DLG2: variants seen among roughly 807,000 people sequenced by gnomAD.
DLG2 encodes discs large MAGUK scaffold protein 2.
DLG2 carries 45 observed loss-of-function variants against 132.5 expected under a neutral mutation model. The ratio of observed to expected loss-of-function variants is 0.34; its 90% CI spans 0.27 to 0.44. The LOEUF (loss-of-function observed/expected upper bound fraction) is 0.44. Ranked by LOEUF, DLG2 falls within the 20% of genes least tolerant of loss-of-function variation. DLG2 has a pLI of 1.00. For missense variants in DLG2, 1,045 were observed against 1,196.9 expected (o/e 0.87, Z 1.87); for synonymous variants, 424 against 419.6 (o/e 1.01, Z -0.13).
intron 6 of DLG2, among the ~76,000 whole-genome samples, chr11:84,663,269 G>T (rs938422806): frequency 2.3e-4 from 33 of 146,154 alleles, no homozygotes; most frequent in African/African-American, 7.3e-4. Flanking sequence ...CATATATTCT[G>T]CATGGTCTAG....
intron 18 of DLG2, among the ~76,000 whole-genome samples, chr11:83,735,890 C>G (rs1349288556): frequency 6.6e-6 from 1 of 152,178 alleles, no homozygotes; most frequent in Non-Finnish European, 1.5e-5. Context: ...AGCAATGGGA[C>G]TTGGAAAATT....
chr11:84,697,814 G>A (rs1317171880), intron 6 of DLG2, among the ~76,000 whole-genome samples: 1 of 151,316 alleles, frequency 6.6e-6, no homozygotes, highest in Non-Finnish European at 1.5e-5. Flanking sequence ...GTATTTTCAT[G>A]ATAATAAGTA....
intron 3 of DLG2, among the ~76,000 whole-genome samples, chr11:85,477,294 T>C (rs898781306): frequency 1.3e-5 from 2 of 152,218 alleles, no homozygotes; most frequent in South Asian, 2.1e-4. Context: ...ACACCTCGTA[T>C]GTATACAAAA....
intron 6 of DLG2, among the ~76,000 whole-genome samples, chr11:84,994,931 T>C (rs1473101656): frequency 6.6e-6 from 1 of 152,178 alleles, no homozygotes; most frequent in Non-Finnish European, 1.5e-5. Flanking sequence ...ATGTGTCCTC[T>C]GGAGTCTTGG....
intron 6 of DLG2, among the ~76,000 whole-genome samples, chr11:85,104,872 C>CAAA (rs56043190): frequency 1.4e-4 from 8 of 56,044 alleles, no homozygotes; most frequent in African/African-American, 3.4e-4. Flanking sequence ...GGCTGAATGG[C>CAAA]AAAAAAAAAA....
intron 6 of DLG2, among the ~76,000 whole-genome samples, chr11:84,634,601 T>G (rs1312293217): frequency 1.3e-5 from 2 of 152,338 alleles, no homozygotes; most frequent in African/African-American, 4.8e-5. Context: ...TCTCTAACTA[T>G]AGAGCTACCC....
chr11:85,339,469 T>C (rs2082341166), intron 3 of DLG2, among the ~76,000 whole-genome samples: 1 of 152,334 alleles, frequency 6.6e-6, no homozygotes, highest in African/African-American at 2.4e-5. Context: ...TCAATTTGCA[T>C]TGACATCACC....
chr11:85,481,460 G>A (rs2093287270), intron 3 of DLG2, among the ~76,000 whole-genome samples: 1 of 152,126 alleles, frequency 6.6e-6, no homozygotes, highest in South Asian at 2.1e-4. Flanking sequence ...AGAAAGAACA[G>A]CTTTACATTA....
intron 6 of DLG2, among the ~76,000 whole-genome samples, chr11:84,807,229 T>C (rs1372549765): frequency 6.6e-6 from 1 of 152,154 alleles, no homozygotes; most frequent in Non-Finnish European, 1.5e-5. Context: ...GCAGATCACC[T>C]GAGGTCAGGA....
chr11:83,693,954 T>C (rs1391958210), intron 18 of DLG2: 1 of 152,206 alleles, frequency 6.6e-6, no homozygotes, highest in East Asian at 1.9e-4. Flanking sequence ...CCAAAGGGCA[T>C]GTAAAATGAA....
chr11:85,522,816 G>T (rs2074421908), intron 3 of DLG2, among the ~76,000 whole-genome samples: 1 of 152,164 alleles, frequency 6.6e-6, no homozygotes, highest in Admixed American at 6.5e-5. Flanking sequence ...TACCCCCATT[G>T]AATCTAGGAA....
rs527948069 is a variant in DLG2 at position 83,662,777 on chromosome 11, G to A, written c.1826-29452C>T. Among the ~76,000 whole-genome samples, 22 of 152,304 alleles carry A rather than the reference G, an allele frequency of 1.4e-4. No individual in the cohort carries two copies. The South Asian group carries it at 4.6e-3, about 32-fold the overall frequency. ...ATATGCTCAGAACCTTTTGTCAGTA[G>A]AATTGCAGTTTAGATTCTCTCAACC... On this transcript the variant is annotated intron_variant, in intron 18 of 27. Transcript: ENST00000376104.
At chr11:85,605,766 G>A (rs1016893925) in intron 2 of DLG2, among the ~76,000 whole-genome samples, 3 of 152,198 alleles carry the variant, frequency 2.0e-5, no homozygotes, top group African/African-American at 7.2e-5. Context: ...ATCACCTGAG[G>A]TCAGGAGATC....
intron 3 of DLG2, among the ~76,000 whole-genome samples, chr11:85,345,096 G>A (rs972496621): frequency 3.3e-5 from 5 of 152,084 alleles, no homozygotes; most frequent in Admixed American, 6.6e-5. Flanking sequence ...GAAGCACATT[G>A]AGGGTTGAAG....
intron 19 of DLG2, among the ~76,000 whole-genome samples, chr11:83,579,395 G>C (rs918781743): frequency 1.3e-5 from 2 of 152,072 alleles, no homozygotes; most frequent in Non-Finnish European, 2.9e-5. Flanking sequence ...CTTAGACTAC[G>C]TAGCTATGGC....
chr11:84,744,358 T>C (rs1597137071), intron 6 of DLG2, among the ~76,000 whole-genome samples: 1 of 152,214 alleles, frequency 6.6e-6, no homozygotes, highest in African/African-American at 2.4e-5. Context: ...CTATAAAATA[T>C]AGGCCTTGTG....
intron 6 of DLG2, among the ~76,000 whole-genome samples, chr11:84,657,277 T>G (rs2099689365): frequency 6.6e-6 from 1 of 152,084 alleles, no homozygotes; most frequent in African/African-American, 2.4e-5. Context: ...TGAACTCAAC[T>G]AAAAATGTGT....
At chr11:85,430,368 G>GAAAAAT (rs201927875) in intron 3 of DLG2, among the ~76,000 whole-genome samples, 2 of 151,122 alleles carry the variant, frequency 1.3e-5, no homozygotes, top group Non-Finnish European at 3.0e-5. Context: ...AAAAGAAAAA[G>GAAAAAT]AAAGAAAAAA....
intron 7 of DLG2, among the ~76,000 whole-genome samples, chr11:84,270,753 T>C (rs1014114055): frequency 1.3e-5 from 2 of 152,212 alleles, no homozygotes; most frequent in African/African-American, 4.8e-5. Flanking sequence ...TACGACCTTT[T>C]CAGGTCAATT....
Sources: allele counts gnomAD v4.1 joint callset (sites outside exome capture counted in the v4.1 genomes callset), GRCh38; gene constraint gnomAD v4.1.1; transcripts MANE v1.5; gene names NCBI Gene and HGNC (gene_info 2026-07-23, HGNC 2026-07-21).